SLC12A9: variants seen among roughly 807,000 people sequenced by gnomAD.
SLC12A9 encodes the protein solute carrier family 12 member 9, also known as CCC-interacting protein 1.
Under a neutral mutation model 66.0 loss-of-function variants are expected in SLC12A9, and 55 were observed. The ratio of observed to expected loss-of-function variants is 0.83; its 90% CI spans 0.67 to 1.04. The LOEUF is 1.04. Among genes scored for constraint, SLC12A9 ranks in the 50% least tolerant of loss-of-function variants. The probability of loss-of-function intolerance (pLI) is 0.00; values close to 1 mark genes in which losing one functional copy is unlikely to be tolerated. For missense variants in SLC12A9, 1,061 were observed against 1,241.9 expected (o/e 0.85, Z 2.19); for synonymous variants, 577 against 569.0 (o/e 1.01, Z -0.20).
intron 1 of SLC12A9, among the ~76,000 whole-genome samples, chr7:100,836,347 C>T (rs1813658473): frequency 6.6e-6 from 1 of 152,060 alleles, no homozygotes; most frequent in Non-Finnish European, 1.5e-5. Context: ...GGGCCGGCAC[C>T]GAGGGTAGCA....
chr7:100,846,669 T>C (rs1377061594), intron 1 of SLC12A9, among the ~76,000 whole-genome samples: 4 of 151,670 alleles, frequency 2.6e-5, no homozygotes, highest in Non-Finnish European at 5.9e-5. Flanking sequence ...AAGACATGGG[T>C]AGTGAGAATG....
intron 3 of SLC12A9, among the ~76,000 whole-genome samples, chr7:100,855,080 C>T (rs1814305377): frequency 6.6e-6 from 1 of 152,168 alleles, no homozygotes; most frequent in Non-Finnish European, 1.5e-5. Context: ...ACGAGAATCG[C>T]TTGAACCTGG....
chr7:100,839,705 T>C (rs550472987), intron 1 of SLC12A9, among the ~76,000 whole-genome samples: 314 of 152,288 alleles, frequency 2.1e-3, no homozygotes, highest in African/African-American at 7.1e-3. Context: ...AACGGGCACT[T>C]AGAGTCTGGA....
At chr7:100,858,593 A>T (rs1814547696) in intron 5 of SLC12A9, 2 of 414,180 alleles carry the variant, frequency 4.8e-6, no homozygotes, top group South Asian at 2.7e-5. Context: ...CTGTCTCTAA[A>T]AAATAAATAA....
chr7:100,848,682 C>T (rs866804189), upstream of SLC12A9, among the ~76,000 whole-genome samples: 74 of 151,836 alleles, frequency 4.9e-4, no homozygotes, highest in Non-Finnish European at 7.8e-4. Flanking sequence ...GTCAGGAGAT[C>T]GAGACCATTC....
In SLC12A9 at chr7:100,838,393, C is replaced by T. The variant is rs78304009; in HGVS notation, n.228+11346C>T. ...GTTCTGGAGTTGTCTGAGGAACAGC[C>T]CAGAGGCCCTAGTGGGGCACGCGCA... On this transcript the variant is annotated intron_variant and non_coding_transcript_variant, in intron 1 of 1. Coordinates refer to the SLC12A9 transcript ENST00000461016. 9.6e-3 allele frequency among the ~76,000 whole-genome samples: 1,468 copies of T among 152,244 alleles called. 22 individuals are homozygous for T. Among genetic ancestry groups the T allele is most frequent in the African/African-American group, 0.034 (1,403 of 41,520 alleles).
exon 1 of SLC12A9, chr7:100,826,941 G>T: frequency 6.5e-7 from 1 of 1,534,674 alleles, no homozygotes; most frequent in Non-Finnish European, 8.8e-7. Flanking sequence ...GAGGTCCCAG[G>T]AGTGACGGGG....
intron 1 of SLC12A9, among the ~76,000 whole-genome samples, chr7:100,839,208 C>A (rs1176599798): frequency 6.6e-6 from 1 of 152,062 alleles, no homozygotes; most frequent in Non-Finnish European, 1.5e-5. Flanking sequence ...GCCTGTAGTC[C>A]CAGCTACTCA....
At chr7:100,827,714 G>C (rs1277068106) in intron 1 of SLC12A9, among the ~76,000 whole-genome samples, 1 of 152,204 alleles carries the variant, frequency 6.6e-6, no homozygotes, top group African/African-American at 2.4e-5. Flanking sequence ...TTGGAGAAGG[G>C]GGAGGGGCGG....
intron 3 of SLC12A9, 41 bp from the exon 4 acceptor site, chr7:100,855,665 C>T (rs1376053463): frequency 6.2e-7 from 1 of 1,612,876 alleles, no homozygotes; most frequent in African/African-American, 1.3e-5. Flanking sequence ...ACGTCCATTT[C>T]AGTCTTTTCC....
At chr7:100,836,426 C>T (rs980421185) in intron 1 of SLC12A9, among the ~76,000 whole-genome samples, 1 of 152,036 alleles carries the variant, frequency 6.6e-6, no homozygotes, top group Non-Finnish European at 1.5e-5. Flanking sequence ...TCTCCCAGGC[C>T]CCACTCTTCC....
rs573865026 is a variant in SLC12A9, at chr7:100,859,848, G to A, written c.978-37G>A. 19 of 1,573,236 alleles carry A rather than the reference G, an allele frequency of 1.2e-5. No individual in the cohort carries two copies. In the South Asian group the frequency reaches 1.5e-4, roughly 12 times the overall value. On this transcript the variant is annotated intron_variant, in intron 7 of 13. Coordinates refer to ENST00000354161, the MANE Select transcript of SLC12A9 (RefSeq NM_020246.4). ...GCTGGAGATTTTCTTACCCCGTGAC[G>A]CATGATCATCCGTGTCCTCCTTTTC...
upstream of SLC12A9, among the ~76,000 whole-genome samples, chr7:100,849,878 CTT>C (rs371466546): frequency 2.8e-5 from 4 of 144,966 alleles, no homozygotes; most frequent in African/African-American, 5.0e-5. Context: ...CTTCCCTTCC[CTT>C]TTTTTTTTTT....
chr7:100,848,682 C>G (rs866804189), upstream of SLC12A9, among the ~76,000 whole-genome samples: 7 of 151,838 alleles, frequency 4.6e-5, no homozygotes, highest in East Asian at 5.8e-4. Context: ...GTCAGGAGAT[C>G]GAGACCATTC....
chr7:100,866,423 G>A lies in SLC12A9; in HGVS notation c.2563G>A (p.Gly855Arg). The change falls in exon 14 of 14, where the codon GGG becomes AGG. Residue 855 changes from glycine to arginine, a missense_variant. By Grantham distance (125) the Gly-to-Arg change is moderately radical. Coordinates refer to ENST00000354161, the MANE Select transcript of SLC12A9 (RefSeq NM_020246.4). The surrounding 1 kb of genome is among the most constrained non-coding windows in gnomAD (Gnocchi z 7.3). ...GCGCGGCACAGGAGGAGGGCCGGGT[G>A]GGCCGGAGGGTGGGGATGCTGAGGG... ...QGRGTGGGPG[G>R]PEGGDAEGPI... is the part of the protein sequence containing the mutation. 1.9e-6 allele frequency: 3 copies of A among 1,546,330 alleles called. No homozygotes were observed. The South Asian group carries it at 3.6e-5, about 18-fold the overall frequency.
At chr7:100,857,462 C>A in intron 5 of SLC12A9, 1 of 454,232 alleles carries the variant, frequency 2.2e-6, no homozygotes. Flanking sequence ...CCCAGCATGA[C>A]TTAAACAGAT....
In SLC12A9 at chr7:100,861,911, G is replaced by A. The variant is rs376415162; in HGVS notation, c.1711G>A (p.Asp571Asn). Reference sequence around the variant, plus strand: ...GGGCCACGTCACCCTGGGAGACCTCGGTGAGCTGCCCTCCCACTCACTCAC... The same window carrying A: ...GGGCCACGTCACCCTGGGAGACCTCAGTGAGCTGCCCTCCCACTCACTCAC... Reference protein sequence around the residue: ...VLGHVTLGDLDSLPSDPVQPQ... With the variant: ...VLGHVTLGDLNSLPSDPVQPQ... Residue 571 changes from aspartate to asparagine, a missense_variant and splice_region_variant, in exon 12 of 14, where the codon GAC becomes AAC. Asp to Asn is a conservative substitution (Grantham distance 23). Coordinates refer to ENST00000354161, the MANE Select transcript of SLC12A9 (RefSeq NM_020246.4). The surrounding 1 kb of genome is among the most constrained non-coding windows in gnomAD (Gnocchi z 5.3). 1 of 1,591,820 alleles carries A rather than the reference G, an allele frequency of 6.3e-7. No homozygotes were observed. The highest frequency in any genetic ancestry group is 8.6e-7 in the Non-Finnish European group (1 of 1,167,166).
At chr7:100,860,669 G>GA in intron 9 of SLC12A9, 1 of 368,284 alleles carries the variant, frequency 2.7e-6, no homozygotes, top group Non-Finnish European at 5.2e-6. Flanking sequence ...CCTTTCTGGG[G>GA]ATCACTGACA....
chr7:100,860,952 G>C lies in SLC12A9; in HGVS notation c.1219-186G>C, dbSNP rs1814710271. ...ACTTTGGGGGTGCACTGGCACTTTT[G>C]GGGTTTAATAGCATTTTGGGGGTTC... is the stretch of plus-strand genomic sequence containing the variant. On this transcript the variant is annotated intron_variant, in intron 9 of 13. Coordinates refer to ENST00000354161, the MANE Select transcript of SLC12A9 (RefSeq NM_020246.4). 1.3e-5 allele frequency: 14 copies of C among 1,057,276 alleles called. No homozygotes were observed. In the Admixed American group the frequency reaches 2.8e-4, roughly 21 times the overall value. 65.5% of individuals were successfully genotyped at this position (1,057,276 alleles called of 1,614,324 possible).
Sources: allele counts gnomAD v4.1 joint callset (sites outside exome capture counted in the v4.1 genomes callset), GRCh38; gene constraint gnomAD v4.1.1; non-coding constraint Gnocchi (gnomAD v3.1); transcripts MANE v1.5; gene names NCBI Gene and HGNC (gene_info 2026-07-23, HGNC 2026-07-21).